RUFY2: variants seen among roughly 807,000 people sequenced by gnomAD.
The protein encoded by RUFY2 is RUN and FYVE domain containing 2.
A neutral mutation model predicts 94.4 loss-of-function variants in RUFY2; 49 were observed. The ratio of observed to expected loss-of-function variants is 0.52; its 90% CI spans 0.41 to 0.66. The LOEUF (loss-of-function observed/expected upper bound fraction) is 0.66. Among genes scored for constraint, RUFY2 ranks in the 30% least tolerant of loss-of-function variants. The pLI, the probability that RUFY2 is intolerant of heterozygous loss-of-function variation, is 0.00. For missense variants in RUFY2, 541 were observed against 692.8 expected (o/e 0.78, Z 2.46); for synonymous variants, 255 against 235.7 (o/e 1.08, Z -0.75).
intron 16 of RUFY2, chr10:68,346,850 T>C (rs1385322359): frequency 6.6e-6 from 1 of 152,116 alleles, no homozygotes; most frequent in Non-Finnish European, 1.5e-5. Flanking sequence ...TGAAGGAAAT[T>C]GGGGAAATCA....
At chr10:68,390,451 C>T (rs1432861021) in intron 7 of RUFY2, among the ~76,000 whole-genome samples, 2 of 152,138 alleles carry the variant, frequency 1.3e-5, no homozygotes, top group Non-Finnish European at 2.9e-5. Flanking sequence ...TTTCTAATTA[C>T]ATAGCAAATA....
intron 16 of RUFY2, among the ~76,000 whole-genome samples, chr10:68,354,851 T>G (rs1040905760): frequency 4.3e-4 from 1 of 2,300 alleles, no homozygotes; most frequent in African/African-American, 5.5e-4. Flanking sequence ...GTCAGTTTCT[T>G]TTTTTTTTTT....
Position 68,404,857 on chromosome 10 carries a change from G to GA in RUFY2, c.5-14dup, listed in dbSNP as rs1375855595. 1 of 1,527,188 alleles carries GA rather than the reference G, an allele frequency of 6.5e-7. No individual in the cohort carries two copies. Among genetic ancestry groups the GA allele is most frequent in the African/African-American group, 1.4e-5 (1 of 71,230 alleles). 94.6% of individuals were successfully genotyped at this position (1,527,188 alleles called of 1,614,324 possible). A position where few individuals can be genotyped will look rare whatever the true frequency, so the allele number is the denominator to read the frequency against. ...GGGTCTTTTGTAGCTGAAAACACAA[G>GA]AAAGGAATCCAACATCATTTGTAAG... On this transcript the variant is annotated splice_polypyrimidine_tract_variant and intron_variant, in intron 1 of 17. Transcript: ENST00000602465.
intron 3 of RUFY2, among the ~76,000 whole-genome samples, chr10:68,400,205 A>G (rs1037044257): frequency 6.6e-6 from 1 of 151,872 alleles, no homozygotes; most frequent in Non-Finnish European, 1.5e-5. Context: ...AATCCCAGCT[A>G]CTTGGGAGGC....
In RUFY2 at chr10:68,396,858, G is replaced by A. The variant is rs753414126; in HGVS notation, c.320C>T (p.Ala107Val). The change falls in exon 4 of 18, where the codon GCG becomes GTG. Residue 107 changes from alanine to valine, a missense_variant. Ala to Val is a moderately conservative substitution (Grantham distance 64). This residue lies in a region of RUFY2 where 85 missense variants were observed against 153.4 expected (regional missense o/e 0.55). Coordinates refer to ENST00000602465, the MANE Select transcript of RUFY2 (RefSeq NM_001330103.2). ...GLKTPLGRAR[A>V]WLRLALMQKK... ...TTGCATGAGGGCTAATCGAAGCCAC[G>A]CTCTTGCTCGACCCAGAGGGGTCCT... is the stretch of plus-strand genomic sequence containing the variant. The A allele has an allele frequency of 3.1e-6, 5 of 1,613,732 alleles. No homozygotes were observed. Among genetic ancestry groups the A allele is most frequent in the Non-Finnish European group, 3.4e-6 (4 of 1,179,740 alleles).
intron 1 of RUFY2, chr10:68,406,622 A>C (rs2133309246): frequency 2.4e-6 from 2 of 840,024 alleles, no homozygotes; most frequent in East Asian, 3.2e-5. Flanking sequence ...CAGGCGCGCA[A>C]GGAGTACCAG....
chr10:68,379,629 T>A, intron 11 of RUFY2, 108 bp from the exon 12 acceptor site: 1 of 712,030 alleles, frequency 1.4e-6, no homozygotes, highest in Non-Finnish European at 2.3e-6. Flanking sequence ...GCAGCCCAGG[T>A]TGGATTTGAA....
In RUFY2 at chr10:68,363,605, C is replaced by A. The variant is rs1314018835; in HGVS notation, c.1535G>T (p.Gly512Val). 1 of 1,599,958 alleles carries A rather than the reference C, an allele frequency of 6.3e-7. No individual in the cohort carries two copies. Among genetic ancestry groups the A allele is most frequent in the African/African-American group, 1.3e-5 (1 of 74,144 alleles). The change falls in exon 15 of 18, where the codon GGC (glycine) becomes GTC (valine). Residue 512 changes from glycine (G) to valine (V), a missense_variant. Gly to Val is a moderately radical substitution (Grantham distance 109). This residue lies in a region of RUFY2 where 403 missense variants were observed against 480.7 expected (regional missense o/e 0.84). Coordinates refer to ENST00000602465, the MANE Select transcript of RUFY2 (RefSeq NM_001330103.2). ...AAGAAATTACTCGCTAAGCTTGTTG[C>A]CGAGTTCTTGAAGAGCTTGCTCTTG... is the stretch of plus-strand genomic sequence containing the variant. ...HEQEQALQEL[G>V]NKLSESKLKI... is the part of the protein sequence containing the mutation.
chr10:68,398,482 T>G (rs1435280209), intron 3 of RUFY2, among the ~76,000 whole-genome samples: 2 of 152,048 alleles, frequency 1.3e-5, no homozygotes, highest in African/African-American at 4.8e-5. Flanking sequence ...TGAAACCCCG[T>G]CTCCACTAAA....
chr10:68,407,112 G>A (rs1034497446), intron 1 of RUFY2, 74 bp downstream of exon 1: 19 of 1,515,094 alleles, frequency 1.3e-5, no homozygotes, highest in Non-Finnish European at 1.7e-5. Flanking sequence ...CCAGCTCCCA[G>A]TCCACCCCGC....
rs369214607 is a variant in RUFY2 at position 68,365,469 on chromosome 10, GGTGCATCCT to G, written c.1326-1365_1326-1357del. ...CCCAGCCTGAGTGTGGGTGTGTTTG[GGTGCATCCT>G]GTGACGGAATGGTGTCCTGTGGAAG... is the stretch of plus-strand genomic sequence containing the variant. On this transcript the variant is annotated intron_variant, in intron 13 of 17. Transcript: ENST00000602465. Among the ~76,000 whole-genome samples the G allele has an allele frequency of 6.3e-3, 965 of 152,184 alleles. 14 individuals carry two copies. Among genetic ancestry groups the G allele is most frequent in the African/African-American group, 0.022 (916 of 41,492 alleles).
intron 13 of RUFY2, among the ~76,000 whole-genome samples, chr10:68,365,126 A>G (rs1564798935): frequency 6.6e-6 from 1 of 152,134 alleles, no homozygotes; most frequent in Non-Finnish European, 1.5e-5. Flanking sequence ...GCATTTCCAC[A>G]TACAGCCATA....
intron 1 of RUFY2, 149 bp downstream of exon 1, chr10:68,407,037 C>A: frequency 6.8e-7 from 1 of 1,478,142 alleles, no homozygotes; most frequent in Non-Finnish European, 9.0e-7. Context: ...GCCCCCGAGT[C>A]CCAGGCAGTC....
rs774388674 is a variant in RUFY2, at chr10:68,401,638, C to T, written c.278G>A (p.Arg93Gln). 2 of 1,611,890 alleles carry T rather than the reference C, an allele frequency of 1.2e-6. No homozygotes were observed. Among genetic ancestry groups the T allele is most frequent in the African/African-American group, 1.3e-5 (1 of 74,980 alleles). Reference sequence around the variant, plus strand: ...TCCTTACTTCAGACCAGGTAGATCCCGGACACTAGCTCCTATTTCCTCTGC... The same window carrying T: ...TCCTTACTTCAGACCAGGTAGATCCTGGACACTAGCTCCTATTTCCTCTGC... ...PEAEEIGASV[R>Q]DLPGLKTPLG... is the part of the protein sequence containing the mutation. Residue 93 changes from arginine (R) to glutamine (Q), a missense_variant, in exon 3 of 18, where the codon CGG (arginine) becomes CAG (glutamine). This residue lies in a region of RUFY2 where 85 missense variants were observed against 153.4 expected (regional missense o/e 0.55). Transcript: ENST00000602465.
intron 7 of RUFY2, 52 bp downstream of exon 7, chr10:68,393,086 A>G: frequency 9.1e-7 from 1 of 1,097,574 alleles, no homozygotes. Flanking sequence ...AGGGAAAAAA[A>G]CAAAAACCTA....
At chr10:68,358,889 C>T (rs796453902) in intron 15 of RUFY2, among the ~76,000 whole-genome samples, 13 of 152,030 alleles carry the variant, frequency 8.6e-5, no homozygotes, top group African/African-American at 3.1e-4. Flanking sequence ...CCAGCCTGGG[C>T]GACAGAGCAA....
intron 3 of RUFY2, among the ~76,000 whole-genome samples, chr10:68,400,177 A>G (rs368049922): frequency 2.0e-5 from 3 of 150,552 alleles, no homozygotes; most frequent in Non-Finnish European, 4.4e-5. Flanking sequence ...CCAGGTATGG[A>G]TGGTGGCACA....
chr10:68,357,030 G>A (rs1320582284), intron 15 of RUFY2, among the ~76,000 whole-genome samples: 1 of 151,610 alleles, frequency 6.6e-6, no homozygotes, highest in Non-Finnish European at 1.5e-5. Flanking sequence ...AGCTGGGCGT[G>A]GTGAGGGGCG....
chr10:68,384,345 C>G (rs1291145035), intron 8 of RUFY2, among the ~76,000 whole-genome samples, 193 bp from the exon 9 acceptor site: 1 of 152,144 alleles, frequency 6.6e-6, no homozygotes, highest in Non-Finnish European at 1.5e-5. Context: ...AAATTATACT[C>G]TTATTTCCTT....
Sources: gnomAD v4.1 joint callset for allele counts (sites outside exome capture counted in the v4.1 genomes callset) on GRCh38, gnomAD v4.1.1 for gene constraint, gnomAD v4.1.1 regional missense constraint, MANE v1.5 for transcripts, NCBI Gene and HGNC (gene_info 2026-07-23, HGNC 2026-07-21) for gene names.